MAGI3: variants seen among roughly 807,000 people sequenced by gnomAD.
MAGI3 encodes membrane associated guanylate kinase, WW and PDZ domain containing 3.
A neutral mutation model predicts 121.8 loss-of-function variants in MAGI3; 43 were observed. The observed-to-expected ratio is 0.35, with a 90% CI of 0.28 to 0.46. MAGI3 has a LOEUF of 0.46. MAGI3 is among the 20% of genes least tolerant of loss of function. The probability of loss-of-function intolerance (pLI) is 1.00; values close to 1 mark genes in which losing one functional copy is unlikely to be tolerated. For missense variants in MAGI3, 1,547 were observed against 1,797.3 expected, an observed-to-expected ratio of 0.86 and a Z score of 2.52; for synonymous variants, 553 against 639.3, an observed-to-expected ratio of 0.86 and a Z score of 2.04.
chr1:113,532,917 A>G (rs1658793909), intron 1 of MAGI3, among the ~76,000 whole-genome samples: 1 of 152,316 alleles, frequency 6.6e-6, no homozygotes, highest in Non-Finnish European at 1.5e-5. Context: ...ACTTTTTCCA[A>G]CTGAATTGAG....
chr1:113,518,452 A>G (rs540212646), intron 1 of MAGI3, among the ~76,000 whole-genome samples: 1 of 152,004 alleles, frequency 6.6e-6, no homozygotes, highest in Admixed American at 6.5e-5. Context: ...AAATCATATC[A>G]GAAAGGAACC....
chr1:113,394,078 C>A (rs72997044), intron 1 of MAGI3, among the ~76,000 whole-genome samples: 1 of 152,306 alleles, frequency 6.6e-6, no homozygotes, highest in African/African-American at 2.4e-5. Flanking sequence ...TTCTTCCTAG[C>A]CTTCTTTTCA....
intron 2 of MAGI3, among the ~76,000 whole-genome samples, chr1:113,554,485 G>C (rs1659908201): frequency 6.6e-6 from 1 of 151,588 alleles, no homozygotes. Flanking sequence ...ACAATGGGGA[G>C]GGGAGAGATT....
intron 1 of MAGI3, among the ~76,000 whole-genome samples, chr1:113,406,588 A>T (rs1651695616): frequency 6.6e-6 from 1 of 152,062 alleles, no homozygotes; most frequent in African/African-American, 2.4e-5. Flanking sequence ...AGTATAAAAA[A>T]TTATCTAATT....
intron 1 of MAGI3, among the ~76,000 whole-genome samples, chr1:113,509,657 A>T (rs1347959144): frequency 5.1e-5 from 6 of 117,680 alleles, no homozygotes; most frequent in African/African-American, 1.3e-4. Context: ...CTCCAGATTT[A>T]AAAAAATAGT....
intron 1 of MAGI3, among the ~76,000 whole-genome samples, chr1:113,468,364 C>T (rs1410709058): frequency 6.6e-6 from 1 of 152,062 alleles, no homozygotes; most frequent in Non-Finnish European, 1.5e-5. Flanking sequence ...GAATCTATTA[C>T]AGGTTTTTTG....
chr1:113,402,497 A>G (rs1047136277), intron 1 of MAGI3, among the ~76,000 whole-genome samples: 3 of 152,068 alleles, frequency 2.0e-5, no homozygotes, highest in African/African-American at 4.8e-5. Flanking sequence ...GATTCTTCAC[A>G]ATGCTTTCAG....
In MAGI3 at chr1:113,683,287, C is replaced by T. The variant is rs112259177; in HGVS notation, c.3719C>T (p.Pro1240Leu). The change falls in exon 21 of 21, where the codon CCT becomes CTT. Residue 1240 changes from proline (P) to leucine (L), a missense_variant. Pro to Leu is a moderately conservative substitution (Grantham distance 98). Coordinates refer to ENST00000307546, the MANE Select transcript of MAGI3 (RefSeq NM_001142782.2). The part of the protein sequence containing the change: ...QHSEEHLDKI[P>L]SPLKNNPKRR... ...TCAGAGGAACATTTGGATAAGATTCCTAGTCCTCTAAAAAATAACCCCAAA... is the reference window on the plus strand; with the variant it reads ...TCAGAGGAACATTTGGATAAGATTCTTAGTCCTCTAAAAAATAACCCCAAA... The T allele has an allele frequency of 5.0e-6, 8 of 1,612,728 alleles. No individual in the cohort carries two copies. Among genetic ancestry groups the T allele is most frequent in the African/African-American group, 1.3e-5 (1 of 74,816 alleles).
At chr1:113,653,002 G>A (rs1653259319) in intron 14 of MAGI3, among the ~76,000 whole-genome samples, 1 of 152,204 alleles carries the variant, frequency 6.6e-6, no homozygotes, top group African/African-American at 2.4e-5. Flanking sequence ...GAGGTTGAAG[G>A]CTGAGAACTG....
intron 1 of MAGI3, among the ~76,000 whole-genome samples, chr1:113,458,440 C>G (rs913695275): frequency 6.6e-6 from 1 of 152,078 alleles, no homozygotes; most frequent in Non-Finnish European, 1.5e-5. Flanking sequence ...CTCAGTATCC[C>G]CCGGAAGTCA....
chr1:113,638,391 T>C (rs878955266), intron 9 of MAGI3, among the ~76,000 whole-genome samples: 3 of 152,240 alleles, frequency 2.0e-5, no homozygotes, highest in Non-Finnish European at 4.4e-5. Flanking sequence ...ATGATGGTGA[T>C]GTACAGATGG....
intron 1 of MAGI3, among the ~76,000 whole-genome samples, chr1:113,503,219 T>TAAAA (rs869272201): frequency 1.1e-4 from 1 of 8,996 alleles, no homozygotes; most frequent in Non-Finnish European, 1.6e-4. Flanking sequence ...AGAGTATAAT[T>TAAAA]AAAAAAAAAA....
At chr1:113,513,310 C>T (rs189616749) in intron 1 of MAGI3, among the ~76,000 whole-genome samples, 71 of 152,218 alleles carry the variant, frequency 4.7e-4, no homozygotes, top group African/African-American at 1.5e-3. Context: ...AAAAAGACCA[C>T]GTCGCCAAGT....
intron 1 of MAGI3, among the ~76,000 whole-genome samples, chr1:113,428,724 T>A (rs1653147870): frequency 6.6e-6 from 1 of 152,216 alleles, no homozygotes; most frequent in Non-Finnish European, 1.5e-5. Context: ...TCTTTGAAAT[T>A]GGGCATAAAT....
intron 9 of MAGI3, among the ~76,000 whole-genome samples, chr1:113,623,742 C>T (rs1651031132): frequency 6.6e-6 from 1 of 152,078 alleles, no homozygotes; most frequent in Non-Finnish European, 1.5e-5. Context: ...CTGCCTTGGC[C>T]TCCCAAAGTG....
At position 113,525,768 on chromosome 1, in the gene MAGI3, C is replaced by CT. The variant is rs569561536; in HGVS notation, c.317-23746dup. Among the ~76,000 whole-genome samples, 19 of 152,124 alleles carry CT rather than the reference C, an allele frequency of 1.2e-4. 1 individual carries two copies. In the South Asian group the frequency reaches 3.9e-3, roughly 32 times the overall value. The stretch of plus-strand genomic sequence containing the variant: ...TATGTAATCCCAGAACTTCGGGAGG[C>CT]TGAGGCAGGCAGATCACGAGGTCAG... On this transcript the variant is annotated intron_variant, in intron 1 of 20. Coordinates refer to ENST00000307546, the MANE Select transcript of MAGI3 (RefSeq NM_001142782.2).
intron 1 of MAGI3, among the ~76,000 whole-genome samples, chr1:113,483,047 G>A (rs954715182): frequency 2.6e-5 from 4 of 152,138 alleles, no homozygotes; most frequent in Non-Finnish European, 5.9e-5. Flanking sequence ...GAGCTCAAGA[G>A]ATCCACCCAC....
chr1:113,655,628 ATAC>A (rs1653425670), intron 15 of MAGI3, among the ~76,000 whole-genome samples: 1 of 151,970 alleles, frequency 6.6e-6, no homozygotes, highest in Non-Finnish European at 1.5e-5. Context: ...ACCTATGGAG[ATAC>A]TTCATCTCTT....
chr1:113,652,329 T>G (rs1175541621), intron 14 of MAGI3, among the ~76,000 whole-genome samples: 2 of 152,160 alleles, frequency 1.3e-5, no homozygotes, highest in African/African-American at 2.4e-5. Flanking sequence ...CCTAAAAGAG[T>G]GCCTGTCTGG....
Sources: allele counts gnomAD v4.1 joint callset (sites outside exome capture counted in the v4.1 genomes callset), GRCh38; gene constraint gnomAD v4.1.1; transcripts MANE v1.5; gene names NCBI Gene and HGNC (gene_info 2026-07-23, HGNC 2026-07-21).